Variants in CTNNA3 observed in about 807,000 individuals in gnomAD.
CTNNA3 encodes catenin alpha 3.
CTNNA3 carries 76 observed loss-of-function variants against 95.7 expected under a neutral mutation model. The observed-to-expected ratio is 0.79, with a 90% CI of 0.66 to 0.96. The LOEUF (loss-of-function observed/expected upper bound fraction) is 0.96, where lower values mean the gene tolerates loss of function less well. Ranked by LOEUF, CTNNA3 falls within the 40% of genes least tolerant of loss-of-function variation. The probability of loss-of-function intolerance (pLI) is 0.00; values close to 1 mark genes in which losing one functional copy is unlikely to be tolerated. For synonymous variants in CTNNA3, 431 were observed against 374.4 expected, an observed-to-expected ratio of 1.15 and a Z score of -1.74; for missense variants, 1,191 against 1,089.8, an observed-to-expected ratio of 1.09 and a Z score of -1.31.
chr10:67,257,534 T>C (rs1035821060), intron 5 of CTNNA3, among the ~76,000 whole-genome samples: 1 of 152,220 alleles, frequency 6.6e-6, no homozygotes. Flanking sequence ...GTGCTTCTTT[T>C]ATATTTATAA....
intron 7 of CTNNA3, among the ~76,000 whole-genome samples, chr10:67,131,473 A>C (rs1261780827): frequency 6.6e-6 from 1 of 152,112 alleles, no homozygotes; most frequent in Non-Finnish European, 1.5e-5. Context: ...AAAACACATT[A>C]TGCTTTTATC....
At chr10:66,488,184 A>G (rs1297539114) in intron 11 of CTNNA3, among the ~76,000 whole-genome samples, 3 of 152,340 alleles carry the variant, frequency 2.0e-5, no homozygotes, top group Non-Finnish European at 4.4e-5. Context: ...CTGTCTTTTG[A>G]TGCAATTAGA....
intron 7 of CTNNA3, among the ~76,000 whole-genome samples, chr10:67,134,963 T>C (rs1195496515): frequency 6.6e-6 from 1 of 152,064 alleles, no homozygotes; most frequent in Non-Finnish European, 1.5e-5. Context: ...GGTGGGAACA[T>C]AGGCAGACAC....
At chr10:65,961,348 A>T (rs183240951) in intron 17 of CTNNA3, among the ~76,000 whole-genome samples, 4 of 152,244 alleles carry the variant, frequency 2.6e-5, no homozygotes, top group Admixed American at 2.6e-4. Context: ...TAATACTGAT[A>T]CTGCTTTTAA....
intron 7 of CTNNA3, among the ~76,000 whole-genome samples, chr10:66,799,384 C>T (rs1841340459): frequency 6.6e-6 from 1 of 151,290 alleles, no homozygotes; most frequent in Admixed American, 6.6e-5. Flanking sequence ...TGTATGAAAA[C>T]ATACAGTATT....
At chr10:66,682,657 G>GCTAAATCTTATTTT (rs55895851) in intron 9 of CTNNA3, among the ~76,000 whole-genome samples, 1 of 148,572 alleles carries the variant, frequency 6.7e-6, no homozygotes, top group African/African-American at 2.5e-5. Flanking sequence ...TTTTATTTCT[G>GCTAAATCTTATTTT]TTTTCTTTCT....
intron 13 of CTNNA3, among the ~76,000 whole-genome samples, chr10:66,181,762 T>C (rs1234010138): frequency 2.0e-5 from 3 of 152,212 alleles, no homozygotes; most frequent in African/African-American, 4.8e-5. Flanking sequence ...ATTTGGTTTT[T>C]GAGTTGGTAT....
chr10:66,646,574 G>T (rs1362290078), intron 9 of CTNNA3, among the ~76,000 whole-genome samples: 1 of 152,124 alleles, frequency 6.6e-6, no homozygotes, highest in African/African-American at 2.4e-5. Context: ...AGGTGAAAGA[G>T]AGATGAAAAT....
intron 7 of CTNNA3, among the ~76,000 whole-genome samples, chr10:66,783,111 A>G (rs1479830354): frequency 6.6e-6 from 1 of 152,144 alleles, no homozygotes; most frequent in African/African-American, 2.4e-5. Context: ...AGTACTGAGA[A>G]CACTACACTC....
At chr10:66,531,477 C>T (rs1279078656) in intron 10 of CTNNA3, among the ~76,000 whole-genome samples, 4 of 152,128 alleles carry the variant, frequency 2.6e-5, no homozygotes. Flanking sequence ...AAGCAATGCT[C>T]CTGGCTCAGC....
chr10:66,630,692 T>C (rs993730945), intron 9 of CTNNA3, among the ~76,000 whole-genome samples: 1 of 152,180 alleles, frequency 6.6e-6, no homozygotes, highest in African/African-American at 2.4e-5. Context: ...TGGCACCGAA[T>C]GACCTCTGGC....
intron 7 of CTNNA3, among the ~76,000 whole-genome samples, chr10:66,912,903 A>G (rs1308472609): frequency 6.6e-6 from 1 of 152,168 alleles, no homozygotes; most frequent in Non-Finnish European, 1.5e-5. Context: ...ACAAGTAAAT[A>G]CAATATATCC....
At chr10:67,224,252 C>T (rs546960392) in intron 5 of CTNNA3, among the ~76,000 whole-genome samples, 1 of 152,252 alleles carries the variant, frequency 6.6e-6, no homozygotes, top group East Asian at 1.9e-4. Context: ...TCCCCGTTTC[C>T]CCCACATGCC....
intron 10 of CTNNA3, among the ~76,000 whole-genome samples, chr10:66,559,770 T>C (rs1207892405): frequency 6.6e-6 from 1 of 152,052 alleles, no homozygotes; most frequent in Non-Finnish European, 1.5e-5. Context: ...TCAGTGATCC[T>C]CTTCTACCCT....
At chr10:66,581,646 A>T (rs771433844) in intron 10 of CTNNA3, among the ~76,000 whole-genome samples, 13 of 151,504 alleles carry the variant, frequency 8.6e-5, no homozygotes, top group African/African-American at 3.1e-4. Flanking sequence ...GAAGCTTTTT[A>T]GTTTGAGTCC....
intron 9 of CTNNA3, among the ~76,000 whole-genome samples, chr10:66,627,058 G>C (rs1325901559): frequency 1.3e-5 from 2 of 152,110 alleles, no homozygotes; most frequent in African/African-American, 4.8e-5. Flanking sequence ...TGAGGTGAAA[G>C]TCTAAAAAAG....
chr10:67,127,948 T>C (rs922875580), intron 7 of CTNNA3, among the ~76,000 whole-genome samples: 12 of 152,078 alleles, frequency 7.9e-5, no homozygotes, highest in African/African-American at 2.7e-4. Flanking sequence ...GTTTAATCGT[T>C]CACATTAATT....
At chr10:66,746,022 A>G (rs1463560342) in intron 9 of CTNNA3, among the ~76,000 whole-genome samples, 1 of 152,180 alleles carries the variant, frequency 6.6e-6, no homozygotes, top group African/African-American at 2.4e-5. Flanking sequence ...GATATCTGGT[A>G]GTCAGTTAAC....
chr10:67,687,657 A>C (rs186929831), intron 1 of CTNNA3, among the ~76,000 whole-genome samples: 1 of 152,122 alleles, frequency 6.6e-6, no homozygotes. Flanking sequence ...CTTTCTCCTG[A>C]TATCTGTGGC....
Sources: allele counts gnomAD v4.1 joint callset (sites outside exome capture counted in the v4.1 genomes callset), GRCh38; gene constraint gnomAD v4.1.1; transcripts MANE v1.5; gene names NCBI Gene and HGNC (gene_info 2026-07-23, HGNC 2026-07-21).